Variants in ZMYM2 observed in about 807,000 individuals in gnomAD.
The protein encoded by ZMYM2 is zinc finger MYM-type protein 2.
In ZMYM2, 56 loss-of-function variants were observed where a neutral mutation model predicts 162.8. That is an observed-to-expected ratio of 0.34 (90% CI 0.28 to 0.43). The LOEUF is 0.43. Ranked by LOEUF, ZMYM2 falls within the 20% of genes least tolerant of loss-of-function variation. The probability of loss-of-function intolerance (pLI) is 1.00; values close to 1 mark genes in which losing one functional copy is unlikely to be tolerated. For synonymous variants in ZMYM2, 510 were observed against 541.6 expected, an observed-to-expected ratio of 0.94 and a Z score of 0.81; for missense variants, 1,275 against 1,621.8, an observed-to-expected ratio of 0.79 and a Z score of 3.67.
At chr13:19,955,673 G>A (rs1369886633), upstream of ZMYM2, among the ~76,000 whole-genome samples, 1 of 152,118 alleles carries the variant, frequency 6.6e-6, no homozygotes, top group Admixed American at 6.5e-5. Context: ...CCAGGCTGGA[G>A]TGCAGTGGTG....
chr13:19,984,285 C>T (rs558283874), intron 2 of ZMYM2, among the ~76,000 whole-genome samples: 7 of 152,148 alleles, frequency 4.6e-5, no homozygotes, highest in African/African-American at 1.4e-4. Flanking sequence ...TTAATTAATT[C>T]TCACTGAATC....
At chr13:19,970,951 G>A (rs953953906) in intron 2 of ZMYM2, among the ~76,000 whole-genome samples, 1 of 148,588 alleles carries the variant, frequency 6.7e-6, no homozygotes, top group East Asian at 1.9e-4. Flanking sequence ...AGACGGAAGC[G>A]TGAAAAGGAG....
intron 3 of ZMYM2, among the ~76,000 whole-genome samples, chr13:19,999,273 A>G (rs1353114496): frequency 1.3e-5 from 2 of 152,294 alleles, no homozygotes; most frequent in East Asian, 3.9e-4. Flanking sequence ...GGTTTGTGGC[A>G]ACATTGAGCC....
chr13:20,087,515 T>G lies in ZMYM2; in HGVS notation c.*1501T>G, dbSNP rs922127772. Reference sequence around the variant, plus strand: ...GGGAAAATTGAGCTATTTTCCATAGTGGCTAGCAATTGCTACACATCCTTA... The same window carrying G: ...GGGAAAATTGAGCTATTTTCCATAGGGGCTAGCAATTGCTACACATCCTTA... On this transcript the variant is annotated 3_prime_UTR_variant, in exon 25 of 25. Coordinates refer to ENST00000610343, the MANE Select transcript of ZMYM2 (RefSeq NM_197968.4). The G allele has an allele frequency of 5.4e-6, 1 of 186,710 alleles. No homozygotes were observed. The highest frequency in any genetic ancestry group is 8.6e-5 in the East Asian group (1 of 11,640). 11.6% of individuals were successfully genotyped at this position (186,710 alleles called of 1,614,324 possible).
chr13:20,086,096 A>G lies in ZMYM2; in HGVS notation c.*82A>G. ...GATCTTTATTATGGAAAACATTTCA[A>G]GTTTACTCCTTCTGTTTTGAGTTTT... On this transcript the variant is annotated 3_prime_UTR_variant, in exon 25 of 25. Coordinates refer to ENST00000610343, the MANE Select transcript of ZMYM2 (RefSeq NM_197968.4). The G allele has an allele frequency of 1.4e-6, 2 of 1,402,950 alleles. No individual in the cohort carries two copies. Among genetic ancestry groups the G allele is most frequent in the East Asian group, 2.3e-5 (1 of 42,846 alleles). 86.9% of individuals were successfully genotyped at this position (1,402,950 alleles called of 1,614,324 possible).
intron 5 of ZMYM2, 111 bp from the exon 6 acceptor site, chr13:20,006,263 T>C: frequency 8.5e-7 from 1 of 1,181,820 alleles, no homozygotes; most frequent in Non-Finnish European, 1.1e-6. Context: ...TTTTTTCCTT[T>C]TCTCCAAACA....
At chr13:20,020,105 C>G (rs1951945858) in intron 7 of ZMYM2, 1 of 153,848 alleles carries the variant, frequency 6.5e-6, no homozygotes, top group African/African-American at 2.4e-5. Context: ...CATCAGTAAA[C>G]TATTATTGTC....
chr13:19,907,225 G>A, the ZMYM2 span, among the ~76,000 whole-genome samples: 1 of 152,004 alleles, frequency 6.6e-6, no homozygotes, highest in African/African-American at 2.4e-5. Flanking sequence ...TCTAGTCATG[G>A]AATTATATTG....
intron 21 of ZMYM2, among the ~76,000 whole-genome samples, chr13:20,080,441 A>T (rs1010807808): frequency 7.3e-5 from 11 of 151,260 alleles, no homozygotes; most frequent in Non-Finnish European, 4.4e-5. Flanking sequence ...TGTAGACAGC[A>T]TATTGTCGAA....
chr13:20,064,394 T>C (rs1956511471), intron 18 of ZMYM2, 57 bp from the exon 19 acceptor site: 2 of 1,459,442 alleles, frequency 1.4e-6, no homozygotes, highest in Middle Eastern at 4.4e-4. Context: ...TTGTTGGCTG[T>C]GTTTATGTAA....
chr13:19,920,230 G>A, the ZMYM2 span, among the ~76,000 whole-genome samples: 1 of 152,152 alleles, frequency 6.6e-6, no homozygotes, highest in Non-Finnish European at 1.5e-5. Flanking sequence ...TAAAGGGCCA[G>A]ATAGTAAATA....
At chr13:20,078,519 T>G (rs1289177380) in intron 21 of ZMYM2, among the ~76,000 whole-genome samples, 1 of 152,240 alleles carries the variant, frequency 6.6e-6, no homozygotes, top group Non-Finnish European at 1.5e-5. Context: ...TGAACATATC[T>G]AAAATACATG....
chr13:19,917,386 C>A, the ZMYM2 span, among the ~76,000 whole-genome samples: 1 of 151,810 alleles, frequency 6.6e-6, no homozygotes, highest in Non-Finnish European at 1.5e-5. Context: ...GTCAGGAGTT[C>A]GAGACCAGCC....
the ZMYM2 span, among the ~76,000 whole-genome samples, chr13:19,870,580 T>TTTCCTTCCTTCCTTCC: frequency 7.0e-4 from 92 of 132,160 alleles, no homozygotes; most frequent in African/African-American, 2.5e-3. Context: ...CCTTCTTTCC[T>TTTCCTTCCTTCCTTCC]TTCCTTCCTT....
At chr13:19,897,489 C>A in the ZMYM2 span, among the ~76,000 whole-genome samples, 1 of 151,512 alleles carries the variant, frequency 6.6e-6, no homozygotes, top group East Asian at 1.9e-4. Flanking sequence ...GAGCAGGCAG[C>A]AACAGGCGGG....
chr13:20,055,152 G>A (rs753656862), intron 14 of ZMYM2, among the ~76,000 whole-genome samples: 1 of 152,118 alleles, frequency 6.6e-6, no homozygotes, highest in Non-Finnish European at 1.5e-5. Context: ...AGGGGTAGGG[G>A]CATTGGTGGA....
At chr13:19,925,622 C>A in the ZMYM2 span, among the ~76,000 whole-genome samples, 2 of 151,926 alleles carry the variant, frequency 1.3e-5, no homozygotes, top group African/African-American at 4.8e-5. Context: ...CCTGTAATCC[C>A]AGCACTTTAG....
At chr13:19,893,804 C>T in the ZMYM2 span, among the ~76,000 whole-genome samples, 5 of 151,596 alleles carry the variant, frequency 3.3e-5, no homozygotes, top group African/African-American at 4.9e-5. Context: ...TAATATAAAT[C>T]TATGCTAATG....
At chr13:19,902,862 AT>A in the ZMYM2 span, among the ~76,000 whole-genome samples, 1 of 151,984 alleles carries the variant, frequency 6.6e-6, no homozygotes, top group Admixed American at 6.6e-5. Context: ...GAAAATAAAA[AT>A]AAATTAGTCC....
Sources: gnomAD v4.1 joint callset for allele counts (sites outside exome capture counted in the v4.1 genomes callset) on GRCh38, gnomAD v4.1.1 for gene constraint, MANE v1.5 for transcripts, NCBI Gene and HGNC (gene_info 2026-07-23, HGNC 2026-07-21) for gene names.